RAPGEF6: variants seen among roughly 807,000 people sequenced by gnomAD.
RAPGEF6 encodes the protein PDZ domain containing guanine nucleotide exchange factor (GEF) 2.
Under a neutral mutation model 171.4 loss-of-function variants are expected in RAPGEF6, and 56 were observed. The observed-to-expected ratio is 0.33, with a 90% CI of 0.26 to 0.41. The LOEUF (loss-of-function observed/expected upper bound fraction) is 0.41, where lower values mean the gene tolerates loss of function less well. Among genes scored for constraint, RAPGEF6 ranks in the 10% least tolerant of loss-of-function variants. The pLI is 1.00. For synonymous variants in RAPGEF6, 692 were observed against 650.1 expected (o/e 1.06, Z -0.98); for missense variants, 1,674 against 1,921.4 (o/e 0.87, Z 2.41).
chr5:131,530,067 C>T (rs1759270060), intron 6 of RAPGEF6, among the ~76,000 whole-genome samples: 2 of 150,750 alleles, frequency 1.3e-5, no homozygotes, highest in Non-Finnish European at 3.0e-5. Flanking sequence ...GGCACCACAC[C>T]TGGCTAATTT....
intron 3 of RAPGEF6, among the ~76,000 whole-genome samples, chr5:131,599,987 G>A (rs1764131640): frequency 1.3e-5 from 2 of 152,138 alleles, no homozygotes; most frequent in Admixed American, 6.5e-5. Flanking sequence ...TAAGCAACCT[G>A]TCAAGTTTTG....
Position 131,618,995 on chromosome 5 carries a change from T to C in RAPGEF6, c.70-14302A>G, listed in dbSNP as rs185450543. ...CCAGATGAATCCAGATCATGATACA[T>C]TCTATAAGGCAGCCGGCCAGGCTCT... is the stretch of plus-strand genomic sequence containing the variant. On this transcript the variant is annotated intron_variant, in intron 1 of 27. Transcript: ENST00000509018. Among the ~76,000 whole-genome samples, 559 of 151,690 alleles carry C rather than the reference T, an allele frequency of 3.7e-3. 3 individuals carry two copies. Among genetic ancestry groups the C allele is most frequent in the African/African-American group, 0.013 (530 of 41,306 alleles).
chr5:131,538,362 A>G (rs927765462), intron 6 of RAPGEF6, among the ~76,000 whole-genome samples: 3 of 152,190 alleles, frequency 2.0e-5, no homozygotes, highest in Non-Finnish European at 4.4e-5. Flanking sequence ...TACATGGTAC[A>G]GCCTATGGTT....
intron 22 of RAPGEF6, among the ~76,000 whole-genome samples, chr5:131,443,461 G>GAAAT (rs1226473958): frequency 6.6e-6 from 1 of 152,160 alleles, no homozygotes; most frequent in Non-Finnish European, 1.5e-5. Context: ...CTTTACTACT[G>GAAAT]AAATACTTTT....
At chr5:131,575,186 C>T (rs1016342645) in intron 4 of RAPGEF6, among the ~76,000 whole-genome samples, 1 of 152,130 alleles carries the variant, frequency 6.6e-6, no homozygotes, top group Non-Finnish European at 1.5e-5. Context: ...CATGGATTGA[C>T]CCTGACAGCC....
intron 1 of RAPGEF6, among the ~76,000 whole-genome samples, chr5:131,625,056 G>T (rs903108354): frequency 1.3e-5 from 2 of 152,168 alleles, no homozygotes; most frequent in African/African-American, 4.8e-5. Flanking sequence ...GAGGTCAGCA[G>T]TTCGAGACCA....
chr5:131,474,699 T>C (rs1478378014), intron 16 of RAPGEF6, among the ~76,000 whole-genome samples: 1 of 152,110 alleles, frequency 6.6e-6, no homozygotes, highest in Non-Finnish European at 1.5e-5. Context: ...AAGGTTAGAG[T>C]TAAATGTTCT....
intron 1 of RAPGEF6, among the ~76,000 whole-genome samples, chr5:131,626,982 G>C (rs1356790714): frequency 6.6e-6 from 1 of 152,170 alleles, no homozygotes; most frequent in East Asian, 1.9e-4. Flanking sequence ...CACTCTAGCA[G>C]CAAGACTCAA....
intron 22 of RAPGEF6, among the ~76,000 whole-genome samples, chr5:131,443,541 GAGTAT>G: frequency 6.6e-6 from 1 of 152,296 alleles, no homozygotes; most frequent in East Asian, 1.9e-4. Context: ...CTGCCAAAAT[GAGTAT>G]TTGATCATAT....
intron 4 of RAPGEF6, among the ~76,000 whole-genome samples, chr5:131,590,464 T>C (rs1763523954): frequency 6.6e-6 from 1 of 152,208 alleles, no homozygotes; most frequent in African/African-American, 2.4e-5. Context: ...TTCTGTATTC[T>C]GACTGAAGAA....
intron 5 of RAPGEF6, among the ~76,000 whole-genome samples, chr5:131,549,707 G>A (rs1760791287): frequency 6.6e-6 from 1 of 151,888 alleles, no homozygotes; most frequent in African/African-American, 2.4e-5. Flanking sequence ...ATGTGAATAT[G>A]GTCTCTCTCT....
intron 6 of RAPGEF6, among the ~76,000 whole-genome samples, chr5:131,544,797 C>T (rs1279232207): frequency 3.9e-5 from 6 of 152,162 alleles, no homozygotes; most frequent in Non-Finnish European, 8.8e-5. Context: ...ATTCTCCTGC[C>T]TCAGCCTCCC....
At chr5:131,605,994 C>A (rs1353881791) in intron 1 of RAPGEF6, among the ~76,000 whole-genome samples, 1 of 131,346 alleles carries the variant, frequency 7.6e-6, no homozygotes, top group East Asian at 2.3e-4. Flanking sequence ...TGTGCCACTG[C>A]ACTCTAGCCT....
chr5:131,594,125 C>T (rs1291340809), intron 3 of RAPGEF6, among the ~76,000 whole-genome samples: 1 of 152,272 alleles, frequency 6.6e-6, no homozygotes, highest in Non-Finnish European at 1.5e-5. Flanking sequence ...GGGCCCAGGA[C>T]CCTGCTACTC....
intron 13 of RAPGEF6, 37 bp downstream of exon 13, chr5:131,495,516 C>T (rs1345670251): frequency 6.4e-7 from 1 of 1,555,380 alleles, no homozygotes; most frequent in African/African-American, 1.4e-5. Flanking sequence ...GGGGGGACCA[C>T]TACACTCTGA....
At chr5:131,495,312 AC>A (rs1209710023) in intron 13 of RAPGEF6, among the ~76,000 whole-genome samples, 1,196 of 17,530 alleles carry the variant, frequency 0.068, 13 homozygotes, top group Admixed American at 0.2. Flanking sequence ...ACAAATAAAT[AC>A]AATAAATAAA....
intron 4 of RAPGEF6, among the ~76,000 whole-genome samples, chr5:131,579,307 T>C (rs961189433): frequency 6.6e-6 from 1 of 152,212 alleles, no homozygotes; most frequent in Non-Finnish European, 1.5e-5. Flanking sequence ...CAGCAAGATT[T>C]ATTGCAAAAA....
rs766364698 is a variant in RAPGEF6, at chr5:131,472,674, T to C, written c.2152A>G (p.Ile718Val). 17 of 1,612,928 alleles carry C rather than the reference T, an allele frequency of 1.1e-5. No individual in the cohort carries two copies. The South Asian group carries it at 1.3e-4, about 13-fold the overall frequency. The change falls in exon 17 of 28, where the codon ATA becomes GTA. Residue 718 changes from isoleucine (I) to valine (V), a missense_variant. This residue lies in a region of RAPGEF6 where 1,116 missense variants were observed against 1,321.5 expected (regional missense o/e 0.84). Transcript: ENST00000509018. ...GTRHCRHSLA[I>V]MPIPGTLSSS... ...GAGAGTGTTCCAGGGATGGGCATTA[T>C]AGCCAGACTATGCCTACAGTGCCTT...
chr5:131,505,344 G>T lies in RAPGEF6; in HGVS notation c.1101+20C>A. 6.2e-7 allele frequency: 1 copy of T among 1,611,750 alleles called. No homozygotes were observed. The highest frequency in any genetic ancestry group is 1.1e-5 in the South Asian group (1 of 90,730). ...TTTAAACCAACAGACAAGAAGACTT[G>T]ACCAAAGAGATAATCTTACCTGACA... On this transcript the variant is annotated intron_variant, in intron 10 of 27. Coordinates refer to ENST00000509018, the MANE Select transcript of RAPGEF6 (RefSeq NM_016340.6).
Sources: gnomAD v4.1 joint callset for allele counts (sites outside exome capture counted in the v4.1 genomes callset) on GRCh38, gnomAD v4.1.1 for gene constraint, gnomAD v4.1.1 regional missense constraint, MANE v1.5 for transcripts, NCBI Gene and HGNC (gene_info 2026-07-23, HGNC 2026-07-21) for gene names.